The following SPTA1 variants were observed in gnomAD, a reference collection of about 807,000 sequenced individuals.
The protein encoded by SPTA1 is spectrin alpha, erythrocytic 1, also known as spectrin alpha chain, erythrocytic 1.
Under a neutral mutation model 324.7 loss-of-function variants are expected in SPTA1, and 177 were observed. The observed-to-expected ratio is 0.55, with a 90% CI of 0.48 to 0.62. The LOEUF (loss-of-function observed/expected upper bound fraction) is 0.62, where lower values mean the gene tolerates loss of function less well. SPTA1 is among the 20% of genes least tolerant of loss of function. The pLI is 0.00. For synonymous variants in SPTA1, 1,195 were observed against 1,041.3 expected (o/e 1.15, Z -2.84); for missense variants, 3,162 against 2,883.6 (o/e 1.10, Z -2.21).
intron 36 of SPTA1, among the ~76,000 whole-genome samples, chr1:158,637,320 TTGTTGCCC>T (rs1467909581): frequency 6.6e-6 from 1 of 152,202 alleles, no homozygotes; most frequent in East Asian, 1.9e-4. Flanking sequence ...AACATGTTAT[TTGTTGCCC>T]TGTGCATGGT....
chr1:158,686,453 A>G (rs1354148374), intron 1 of SPTA1, 41 bp downstream of exon 1: 6 of 1,334,826 alleles, frequency 4.5e-6, no homozygotes, highest in Non-Finnish European at 6.5e-6. Context: ...TTTCCTAATA[A>G]TATTAATGAC....
In SPTA1 at chr1:158,671,156, A is replaced by C. The variant is rs191662272; in HGVS notation, c.1599+187T>G. On this transcript the variant is annotated intron_variant, in intron 12 of 51. Transcript: ENST00000643759. ...ACTATATAAACATTTTATGTTTATA[A>C]AATTAAAGAGTTTGAAAAACACACA... is the stretch of plus-strand genomic sequence containing the variant. 1.9e-3 allele frequency among the ~76,000 whole-genome samples: 293 copies of C among 152,286 alleles called. 2 individuals carry two copies. Among genetic ancestry groups the C allele is most frequent in the African/African-American group, 6.9e-3 (285 of 41,550 alleles).
intron 18 of SPTA1, among the ~76,000 whole-genome samples, chr1:158,658,363 A>T (rs1652976429): frequency 6.6e-6 from 1 of 152,176 alleles, no homozygotes; most frequent in Non-Finnish European, 1.5e-5. Flanking sequence ...TTTTCAGAGA[A>T]GTTCCCTAGA....
chr1:158,678,618 G>A (rs1178629266), intron 5 of SPTA1, 84 bp from the exon 6 acceptor site: 1 of 1,488,098 alleles, frequency 6.7e-7, no homozygotes, highest in Non-Finnish European at 9.1e-7. Flanking sequence ...TTTTACATTA[G>A]TTCATACTTT....
intron 47 of SPTA1, among the ~76,000 whole-genome samples, chr1:158,616,562 T>C (rs2852636): frequency 0.52 from 79,302 of 151,788 alleles, 21,092 homozygotes; most frequent in East Asian, 0.62. Flanking sequence ...GTTCCATCCA[T>C]GTTACTGAAA....
In SPTA1 at chr1:158,626,133, C is replaced by A; in HGVS notation, c.5910+13G>T. On this transcript the variant is annotated intron_variant, in intron 42 of 51. Transcript: ENST00000643759. ...ATCAGGTCTTGGGCTTACCTAACAT[C>A]TATCAATCTCACCTGTTTTGCCAGA... The A allele has an allele frequency of 6.2e-7, 1 of 1,612,384 alleles. No homozygotes were observed. The highest frequency in any genetic ancestry group is 8.5e-7 in the Non-Finnish European group (1 of 1,178,502).
chr1:158,669,672 G>A, intron 13 of SPTA1, 37 bp downstream of exon 13: 1 of 1,613,906 alleles, frequency 6.2e-7, no homozygotes. Context: ...TGATTCTAGT[G>A]TGTAGGCACA....
chr1:158,632,709 T>A (rs1408572940), intron 39 of SPTA1, among the ~76,000 whole-genome samples: 2 of 151,618 alleles, frequency 1.3e-5, no homozygotes, highest in Non-Finnish European at 2.9e-5. Flanking sequence ...TTATGCATTG[T>A]TGTTAAGAGT....
chr1:158,620,083 C>T lies in SPTA1; in HGVS notation c.6417+87G>A, dbSNP rs1040095910. ...CCCAGTATAGTTATTAATAGTGTTC[C>T]TTCTATGTCAAAAGTCTATTTACTT... On this transcript the variant is annotated intron_variant, in intron 44 of 51. Transcript: ENST00000643759. The T allele has an allele frequency of 4.6e-6, 7 of 1,508,266 alleles. No individual in the cohort carries two copies. In the African/African-American group the frequency reaches 9.6e-5, roughly 21 times the overall value. The allele number at this position is 1,508,266 out of a possible 1,614,324, so 93.4% of individuals were successfully genotyped here. A position where few individuals can be genotyped will look rare whatever the true frequency, so the allele number is the denominator to read the frequency against.
At position 158,647,709 on chromosome 1, in the gene SPTA1, C is replaced by T. The variant is rs976782932; in HGVS notation, c.3726G>A (p.Leu1242=). 1 of 1,613,880 alleles carries T rather than the reference C, an allele frequency of 6.2e-7. No individual in the cohort carries two copies. The highest frequency in any genetic ancestry group is 8.5e-7 in the Non-Finnish European group (1 of 1,179,892). Residue 1242 remains leucine (L), a synonymous_variant, in exon 27 of 52, where the codon CTG becomes CTA. Coordinates refer to ENST00000643759, the MANE Select transcript of SPTA1 (RefSeq NM_003126.4). The part of the protein sequence containing the change: ...LVPLGDKVTI[L]GETAERLSES... ...CACTGAGCCGCTCTGCTGTCTCCCC[C>T]AGTATGGTCACCTGGGGAGGTACAA...
chr1:158,660,972 T>G (rs955465555), intron 18 of SPTA1, among the ~76,000 whole-genome samples: 1 of 152,206 alleles, frequency 6.6e-6, no homozygotes, highest in East Asian at 1.9e-4. Context: ...CTGATTTAAT[T>G]CATAGGGCTT....
At chr1:158,645,107 C>A in intron 29 of SPTA1, 81 bp downstream of exon 29, 1 of 1,459,572 alleles carries the variant, frequency 6.9e-7, no homozygotes, top group African/African-American at 1.4e-5. Context: ...GTCTAGTGAA[C>A]GGAGCCTGTA....
chr1:158,639,861 T>G lies in SPTA1; in HGVS notation c.4875+9A>C. On this transcript the variant is annotated intron_variant, in intron 34 of 51. Coordinates refer to ENST00000643759, the MANE Select transcript of SPTA1 (RefSeq NM_003126.4). ...CTCTTGTGTCTCTACTGTTTCCGGGTGCAATTACCTCTGAGAGCCAGAACT... is the reference window on the plus strand; with the variant it reads ...CTCTTGTGTCTCTACTGTTTCCGGGGGCAATTACCTCTGAGAGCCAGAACT... 6.2e-7 allele frequency: 1 copy of G among 1,613,956 alleles called. No homozygotes were observed. Among genetic ancestry groups the G allele is most frequent in the Non-Finnish European group, 8.5e-7 (1 of 1,179,928 alleles).
chr1:158,671,069 G>A lies in SPTA1; in HGVS notation c.1599+274C>T, dbSNP rs145366325. Among the ~76,000 whole-genome samples, 9 of 151,776 alleles carry A rather than the reference G, an allele frequency of 5.9e-5. No homozygotes were observed. The East Asian group carries it at 1.5e-3, about 26-fold the overall frequency. On this transcript the variant is annotated intron_variant, in intron 12 of 51. Transcript: ENST00000643759. ...AGAATGGTGTGATAAAAATTGGTAT[G>A]AGTATTTTTCTGGCTATTTTCACTT...
intron 21 of SPTA1, among the ~76,000 whole-genome samples, chr1:158,654,001 T>C (rs535128116): frequency 6.6e-6 from 1 of 152,322 alleles, no homozygotes; most frequent in African/African-American, 2.4e-5. Context: ...TAATGAAACA[T>C]CTGCCGCTCC....
At chr1:158,641,278 G>A (rs1437966045) in intron 33 of SPTA1, among the ~76,000 whole-genome samples, 1 of 152,058 alleles carries the variant, frequency 6.6e-6, no homozygotes, top group Admixed American at 6.5e-5. Flanking sequence ...AACACCAAAA[G>A]CAATGGCAAC....
In SPTA1 at chr1:158,613,727, G is replaced by A. The variant is rs774470901; in HGVS notation, c.6983C>T (p.Pro2328Leu). 20 of 1,613,502 alleles carry A rather than the reference G, an allele frequency of 1.2e-5. No homozygotes were observed. Among genetic ancestry groups the A allele is most frequent in the Admixed American group, 1.7e-5 (1 of 59,946 alleles). Reference protein sequence around the residue: ...KFEKFLDAVDPGRKGYVSLED... With the variant: ...KFEKFLDAVDLGRKGYVSLED... ...CCCTTAGTCTTGTTCCTACCTCCCT[G>A]GATCCACAGCATCCAGGAACTTCTC... is the stretch of plus-strand genomic sequence containing the variant. Residue 2328 changes from proline (P) to leucine (L), a missense_variant, in exon 50 of 52, where the codon CCA (proline) becomes CTA (leucine). Pro to Leu is a moderately conservative substitution (Grantham distance 98, BLOSUM62 -3). Coordinates refer to ENST00000643759, the MANE Select transcript of SPTA1 (RefSeq NM_003126.4).
At chr1:158,641,356 A>C (rs1651556494) in intron 33 of SPTA1, among the ~76,000 whole-genome samples, 1 of 152,202 alleles carries the variant, frequency 6.6e-6, no homozygotes, top group Non-Finnish European at 1.5e-5. Context: ...AGAAACTACC[A>C]TCAGAGTGAA....
rs767169561 is a variant in SPTA1, at chr1:158,672,146, C to G, written c.1401G>C (p.Glu467Asp). ...NWTALLELWD[E>D]RHRQYEQCLD... ...AGCACTGCTCATACTGACGATGACGCTCGTCCCACAGTTCCAGCAGGGCAG... is the reference window on the plus strand; with the variant it reads ...AGCACTGCTCATACTGACGATGACGGTCGTCCCACAGTTCCAGCAGGGCAG... The change falls in exon 11 of 52, where the codon GAG becomes GAC. Residue 467 changes from glutamate to aspartate, a missense_variant. Glu to Asp is a conservative substitution (Grantham distance 45, BLOSUM62 2). Coordinates refer to ENST00000643759, the MANE Select transcript of SPTA1 (RefSeq NM_003126.4). The G allele has an allele frequency of 1.2e-6, 2 of 1,613,966 alleles. No homozygotes were observed. Among genetic ancestry groups the G allele is most frequent in the Admixed American group, 3.3e-5 (2 of 59,980 alleles).
Sources: gnomAD v4.1 joint callset for allele counts (sites outside exome capture counted in the v4.1 genomes callset) on GRCh38, gnomAD v4.1.1 for gene constraint, MANE v1.5 for transcripts, NCBI Gene and HGNC (gene_info 2026-07-23, HGNC 2026-07-21) for gene names.